The following LHX4 variants were observed in gnomAD, a reference collection of about 807,000 sequenced individuals.
LHX4 encodes the protein LIM homeobox 4, also known as LIM/homeobox protein Lhx4.
In LHX4, 16 loss-of-function variants were observed where a neutral mutation model predicts 39.2. The ratio of observed to expected loss-of-function variants is 0.41; its 90% CI spans 0.28 to 0.62. The LOEUF is 0.62. Ranked by LOEUF, LHX4 falls within the 20% of genes least tolerant of loss-of-function variation. The probability of loss-of-function intolerance (pLI) is 0.33; values close to 1 mark genes in which losing one functional copy is unlikely to be tolerated. For synonymous variants in LHX4, 206 were observed against 198.1 expected, an observed-to-expected ratio of 1.04 and a Z score of -0.33; for missense variants, 439 against 511.9, an observed-to-expected ratio of 0.86 and a Z score of 1.37.
Position 180,234,192 on chromosome 1 carries a change from TATATATATATATATATA to T in LHX4, c.76+3588_76+3604del, listed in dbSNP as rs1323123388. Among the ~76,000 whole-genome samples the T allele has an allele frequency of 2.3e-3, 170 of 75,144 alleles. 7 individuals are homozygous for T. The South Asian group carries it at 0.032, about 14-fold the overall frequency. The allele number at this position is 75,144 out of a possible 152,430, so 49.3% of individuals were successfully genotyped here. ...AATTATATATATATATATATATATA[TATATATATATATATATA>T]TATATATATATAATAGATTGAGATT... On this transcript the variant is annotated intron_variant, in intron 1 of 5. Coordinates refer to ENST00000263726, the MANE Select transcript of LHX4 (RefSeq NM_033343.4). The surrounding 1 kb of genome is among the most constrained non-coding windows in gnomAD (Gnocchi z 4.8).
Position 180,278,659 on chromosome 1 carries a change from T to G in LHX4, c.*4080T>G, listed in dbSNP as rs191992606. On this transcript the variant is annotated 3_prime_UTR_variant, in exon 6 of 6. Coordinates refer to ENST00000263726, the MANE Select transcript of LHX4 (RefSeq NM_033343.4). ...CAACTTTCCCACTTGAGGACTGTGT[T>G]CGGCCAAACAAGCAGGTTCAGGGCT... 5.9e-4 allele frequency: 89 copies of G among 151,558 alleles called. No homozygotes were observed. The highest frequency in any genetic ancestry group is 1.9e-3 in the African/African-American group (78 of 41,254). 9.4% of individuals were successfully genotyped at this position (151,558 alleles called of 1,614,324 possible). A position where few individuals can be genotyped will look rare whatever the true frequency, so the allele number is the denominator to read the frequency against.
chr1:180,261,675 G>A (rs1648118317), intron 2 of LHX4, among the ~76,000 whole-genome samples: 2 of 152,144 alleles, frequency 1.3e-5, no homozygotes, highest in South Asian at 4.1e-4. Flanking sequence ...CTGCTTCTCT[G>A]CTCTGAGAAG....
At position 180,266,080 on chromosome 1, in the gene LHX4, C is replaced by T. The variant is rs1648302027; in HGVS notation, c.249-312C>T. 6.6e-6 allele frequency among the ~76,000 whole-genome samples: 1 copy of T among 152,154 alleles called. No individual in the cohort carries two copies. Among genetic ancestry groups the T allele is most frequent in the African/African-American group, 2.4e-5 (1 of 41,426 alleles). ...CCTGCTTTGAGGGACTTAGAAAGTCCACCTGCTCCCCCTGTGAATTGATGG... is the reference window on the plus strand; with the variant it reads ...CCTGCTTTGAGGGACTTAGAAAGTCTACCTGCTCCCCCTGTGAATTGATGG... On this transcript the variant is annotated intron_variant, in intron 2 of 5. Transcript: ENST00000263726. This position sits in a 1 kb window ranked among gnomAD's most constrained non-coding sequence, Gnocchi z 5.7.
At chr1:180,264,364 A>G (rs1472334310) in intron 2 of LHX4, among the ~76,000 whole-genome samples, 1 of 134,618 alleles carries the variant, frequency 7.4e-6, no homozygotes, top group Non-Finnish European at 1.5e-5. Context: ...TTTCTCTGTT[A>G]TACACACACA....
At chr1:180,267,037 G>A (rs1378319100) in intron 3 of LHX4, among the ~76,000 whole-genome samples, 1 of 152,062 alleles carries the variant, frequency 6.6e-6, no homozygotes, top group African/African-American at 2.4e-5. Flanking sequence ...CCGTCGGTGA[G>A]AGCCCAGCAC....
chr1:180,269,042 T>C (rs554163717), intron 3 of LHX4, among the ~76,000 whole-genome samples: 9 of 152,176 alleles, frequency 5.9e-5, no homozygotes, highest in Non-Finnish European at 1.2e-4. Context: ...ATAATGAGGT[T>C]GCGTTTTATG....
At chr1:180,244,132 G>C (rs3845395) in intron 1 of LHX4, among the ~76,000 whole-genome samples, 36,424 of 152,200 alleles carry the variant, frequency 0.24, 5,519 homozygotes, top group East Asian at 0.38. Context: ...CTCAAGCCCT[G>C]ACGTGGCTCA....
chr1:180,237,195 A>G (rs4570379), intron 1 of LHX4, among the ~76,000 whole-genome samples: 16,384 of 137,572 alleles, frequency 0.12, 979 homozygotes, highest in South Asian at 0.23. Flanking sequence ...GGAATTCACG[A>G]CACAGGGGTT....
At chr1:180,230,130 G>A (rs1328772467), upstream of LHX4, among the ~76,000 whole-genome samples, 1 of 151,966 alleles carries the variant, frequency 6.6e-6, no homozygotes, top group African/African-American at 2.4e-5. This position sits in a 1 kb window ranked among gnomAD's most constrained non-coding sequence, Gnocchi z 5.8. Flanking sequence ...CCTGCGGAAA[G>A]CGACGTCACG....
upstream of LHX4, among the ~76,000 whole-genome samples, chr1:180,229,527 A>G (rs1664111379): frequency 6.6e-6 from 1 of 152,190 alleles, no homozygotes; most frequent in East Asian, 1.9e-4. Context: ...CGGGCCGAGT[A>G]CGGGCTGTCC....
chr1:180,264,707 A>G (rs1648246312), intron 2 of LHX4, among the ~76,000 whole-genome samples: 1 of 152,210 alleles, frequency 6.6e-6, no homozygotes, highest in South Asian at 2.1e-4. Flanking sequence ...ACAATTTTGA[A>G]CAACTTAGCA....
chr1:180,251,851 C>A (rs1647642619), intron 2 of LHX4, among the ~76,000 whole-genome samples: 1 of 152,180 alleles, frequency 6.6e-6, no homozygotes. Flanking sequence ...TGAGTTTGGG[C>A]CATTGACTCT....
At chr1:180,273,333 C>T (rs147730162) in intron 5 of LHX4, 6 of 152,562 alleles carry the variant, frequency 3.9e-5, no homozygotes, top group African/African-American at 1.4e-4. Flanking sequence ...GGGACTAATA[C>T]TCACCTTTTA....
upstream of LHX4, among the ~76,000 whole-genome samples, chr1:180,229,955 GAGGC>G (rs1375835190): frequency 1.2e-3 from 100 of 86,950 alleles, no homozygotes; most frequent in East Asian, 6.4e-3. Flanking sequence ...GGCGGAGGCG[GAGGC>G]GGGGAGGGGG....
At chr1:180,233,604 G>C (rs758623589) in intron 1 of LHX4, among the ~76,000 whole-genome samples, 51 of 152,224 alleles carry the variant, frequency 3.4e-4, no homozygotes, top group Non-Finnish European at 4.4e-4. Flanking sequence ...GAGGAGACGC[G>C]GAAAAGAGCG....
chr1:180,256,587 A>T (rs1647865533), intron 2 of LHX4, among the ~76,000 whole-genome samples: 1 of 152,106 alleles, frequency 6.6e-6, no homozygotes, highest in South Asian at 2.1e-4. Flanking sequence ...CTGACAATTG[A>T]TGAGTGACCT....
At chr1:180,267,490 T>C (rs1289235386) in intron 3 of LHX4, among the ~76,000 whole-genome samples, 5 of 152,238 alleles carry the variant, frequency 3.3e-5, no homozygotes, top group Non-Finnish European at 7.3e-5. Context: ...GTGGACACTT[T>C]TATTCCTGCA....
Position 180,276,425 on chromosome 1 carries a change from G to A in LHX4, c.*1846G>A, listed in dbSNP as rs1486508038. Reference sequence around the variant, plus strand: ...CTGACCAATTTTATAGCGTACCCTCGTTTTTTGGTGTGCTGCAGTGGTCAT... The same window carrying A: ...CTGACCAATTTTATAGCGTACCCTCATTTTTTGGTGTGCTGCAGTGGTCAT... On this transcript the variant is annotated 3_prime_UTR_variant, in exon 6 of 6. Transcript: ENST00000263726. The A allele has an allele frequency of 6.6e-6, 1 of 152,116 alleles. No individual in the cohort carries two copies. Among genetic ancestry groups the A allele is most frequent in the Admixed American group, 6.5e-5 (1 of 15,268 alleles). The allele number at this position is 152,116 out of a possible 1,614,324, so 9.4% of individuals were successfully genotyped here. A position where few individuals can be genotyped will look rare whatever the true frequency, so the allele number is the denominator to read the frequency against.
rs1648334268 is a variant in LHX4 at position 180,266,746 on chromosome 1, C to T, written c.451+152C>T. 3.9e-6 allele frequency: 3 copies of T among 769,876 alleles called. No homozygotes were observed. Among genetic ancestry groups the T allele is most frequent in the East Asian group, 2.7e-5 (1 of 37,324 alleles). 47.7% of individuals were successfully genotyped at this position (769,876 alleles called of 1,614,324 possible). On this transcript the variant is annotated intron_variant, in intron 3 of 5. Coordinates refer to ENST00000263726, the MANE Select transcript of LHX4 (RefSeq NM_033343.4). The surrounding 1 kb of genome is among the most constrained non-coding windows in gnomAD (Gnocchi z 5.7). Reference sequence around the variant, plus strand: ...CTCTGAGAAGCGTCCCAGATCTCCACACTGAGAGTAAATGCTGAACACCTC... The same window carrying T: ...CTCTGAGAAGCGTCCCAGATCTCCATACTGAGAGTAAATGCTGAACACCTC...
Sources: gnomAD v4.1 joint callset for allele counts (sites outside exome capture counted in the v4.1 genomes callset) on GRCh38, gnomAD v4.1.1 for gene constraint, Gnocchi (gnomAD v3.1) non-coding constraint, MANE v1.5 for transcripts, NCBI Gene and HGNC (gene_info 2026-07-23, HGNC 2026-07-21) for gene names.